The following LRRN1 variants were observed in gnomAD, a reference collection of about 807,000 sequenced individuals.
LRRN1 encodes the protein leucine rich repeat neuronal 1.
LRRN1 carries 14 observed loss-of-function variants against 45.8 expected under a neutral mutation model. That is an observed-to-expected ratio of 0.31 (90% CI 0.20 to 0.48). LRRN1 has a LOEUF of 0.48. Ranked by LOEUF, LRRN1 falls within the 20% of genes least tolerant of loss-of-function variation. The probability of loss-of-function intolerance (pLI) is 0.99; values close to 1 mark genes in which losing one functional copy is unlikely to be tolerated. For synonymous variants in LRRN1, 359 were observed against 330.1 expected, an observed-to-expected ratio of 1.09 and a Z score of -0.95; for missense variants, 789 against 874.2, an observed-to-expected ratio of 0.90 and a Z score of 1.23.
At chr3:3,807,172 C>T (rs185581526) in intron 1 of LRRN1, among the ~76,000 whole-genome samples, 5 of 152,256 alleles carry the variant, frequency 3.3e-5, no homozygotes, top group Non-Finnish European at 7.4e-5. Context: ...ACCACGCCCC[C>T]TACCTAATGG....
chr3:3,824,719 CTAA>C (rs1356497942), intron 1 of LRRN1, among the ~76,000 whole-genome samples: 1 of 152,184 alleles, frequency 6.6e-6, no homozygotes, highest in Non-Finnish European at 1.5e-5. Flanking sequence ...GCACTAAAGA[CTAA>C]TGTCATTCAA....
At chr3:3,804,199 C>T (rs902409934) in intron 1 of LRRN1, 1 of 152,166 alleles carries the variant, frequency 6.6e-6, no homozygotes, top group Non-Finnish European at 1.5e-5. Context: ...ATTATCCAGT[C>T]GTAGCTGGAT....
intron 1 of LRRN1, among the ~76,000 whole-genome samples, chr3:3,822,557 CAATT>C (rs1575287965): frequency 6.6e-6 from 1 of 152,036 alleles, no homozygotes; most frequent in African/African-American, 2.4e-5. Flanking sequence ...TCTTTCCAGA[CAATT>C]AAGAATAGGG....
At chr3:3,804,877 A>G (rs1382206461) in intron 1 of LRRN1, among the ~76,000 whole-genome samples, 2 of 152,192 alleles carry the variant, frequency 1.3e-5, no homozygotes, top group African/African-American at 4.8e-5. Context: ...AAGTTTGGGG[A>G]ACACATAAAT....
intron 1 of LRRN1, among the ~76,000 whole-genome samples, chr3:3,832,234 T>A (rs1161092604): frequency 6.6e-6 from 1 of 152,188 alleles, no homozygotes; most frequent in Non-Finnish European, 1.5e-5. Flanking sequence ...CAGGATGCAA[T>A]ATTGTTTTTG....
chr3:3,838,830 T>A (rs914401691), intron 1 of LRRN1, among the ~76,000 whole-genome samples: 1 of 152,190 alleles, frequency 6.6e-6, no homozygotes, highest in African/African-American at 2.4e-5. Flanking sequence ...CTTTGGAGAA[T>A]TGTCTATTTA....
intron 1 of LRRN1, among the ~76,000 whole-genome samples, chr3:3,828,889 A>G (rs1015654184): frequency 6.6e-6 from 1 of 152,104 alleles, no homozygotes; most frequent in African/African-American, 2.4e-5. Flanking sequence ...GCAGCTGGTC[A>G]TGTGATCGTA....
At chr3:3,814,798 CAGAA>C (rs1692956432) in intron 1 of LRRN1, among the ~76,000 whole-genome samples, 1 of 152,130 alleles carries the variant, frequency 6.6e-6, no homozygotes, top group African/African-American at 2.4e-5. Context: ...ATCTTCAAAG[CAGAA>C]AGCAGTCCTC....
At chr3:3,805,925 G>A (rs1358947496) in intron 1 of LRRN1, among the ~76,000 whole-genome samples, 1 of 152,164 alleles carries the variant, frequency 6.6e-6, no homozygotes, top group Admixed American at 6.5e-5. Flanking sequence ...TTGTACATTG[G>A]AGCATTTTGT....
At chr3:3,838,298 C>G (rs975911985) in intron 1 of LRRN1, among the ~76,000 whole-genome samples, 3 of 152,098 alleles carry the variant, frequency 2.0e-5, no homozygotes, top group Non-Finnish European at 2.9e-5. Flanking sequence ...TATAAAAACC[C>G]TAGAAGAAAA....
intron 1 of LRRN1, among the ~76,000 whole-genome samples, chr3:3,824,022 G>C (rs1693164723): frequency 6.6e-6 from 1 of 152,102 alleles, no homozygotes; most frequent in South Asian, 2.1e-4. Context: ...CCTAACTCTT[G>C]GTCCAGTGCT....
intron 1 of LRRN1, among the ~76,000 whole-genome samples, chr3:3,818,052 T>C: frequency 6.6e-6 from 1 of 152,212 alleles, no homozygotes; most frequent in South Asian, 2.1e-4. Flanking sequence ...ATGTGTAGTG[T>C]TGAATGTACA....
chr3:3,808,464 A>G (rs1692811479), intron 1 of LRRN1, among the ~76,000 whole-genome samples: 1 of 152,236 alleles, frequency 6.6e-6, no homozygotes, highest in African/African-American at 2.4e-5. Context: ...GAATGAATGA[A>G]TGAATGAATG....
intron 1 of LRRN1, among the ~76,000 whole-genome samples, chr3:3,839,630 T>G (rs71311782): frequency 2.6e-5 from 4 of 152,176 alleles, no homozygotes; most frequent in African/African-American, 9.6e-5. Context: ...GTTTCATCAT[T>G]GTGTTTATAT....
At chr3:3,815,603 G>A (rs879589480) in intron 1 of LRRN1, among the ~76,000 whole-genome samples, 1 of 152,152 alleles carries the variant, frequency 6.6e-6, no homozygotes, top group Non-Finnish European at 1.5e-5. Context: ...CACATTTTGT[G>A]CTAAGTTGCT....
intron 1 of LRRN1, among the ~76,000 whole-genome samples, chr3:3,844,045 TTGTG>T (rs147214946): frequency 0.021 from 3,163 of 151,216 alleles, 101 homozygotes; most frequent in East Asian, 0.15. Context: ...GTGTGTGCAT[TTGTG>T]TGTGTGTGTG....
Position 3,848,801 on chromosome 3 carries a change from C to T in LRRN1, c.*2009C>T, listed in dbSNP as rs958820992. 4.7e-4 allele frequency among the ~76,000 whole-genome samples: 71 copies of T among 152,160 alleles called. No individual in the cohort carries two copies. Among genetic ancestry groups the T allele is most frequent in the Non-Finnish European group, 7.2e-4 (49 of 68,034 alleles). On this transcript the variant is annotated 3_prime_UTR_variant, in exon 2 of 2. Transcript: ENST00000319331. ...CCATTGATTGTTCTAGGCCCGGCAGCCTGTTAGGTTCCTGTGCAGGGCCCC... is the reference window on the plus strand; with the variant it reads ...CCATTGATTGTTCTAGGCCCGGCAGTCTGTTAGGTTCCTGTGCAGGGCCCC...
chr3:3,840,612 T>C (rs1693630579), intron 1 of LRRN1, among the ~76,000 whole-genome samples: 1 of 152,322 alleles, frequency 6.6e-6, no homozygotes, highest in Non-Finnish European at 1.5e-5. Flanking sequence ...TCCTTTTTTA[T>C]TAAGGATGTT....
chr3:3,844,229 G>A (rs1326077446), intron 1 of LRRN1, 135 bp from the exon 2 acceptor site: 1 of 156,558 alleles, frequency 6.4e-6, no homozygotes, highest in South Asian at 2.0e-4. Flanking sequence ...AGCTTATTTG[G>A]TTATCTTCAA....
Sources: gnomAD v4.1 joint callset for allele counts (sites outside exome capture counted in the v4.1 genomes callset) on GRCh38, gnomAD v4.1.1 for gene constraint, MANE v1.5 for transcripts, NCBI Gene and HGNC (gene_info 2026-07-23, HGNC 2026-07-21) for gene names.